EXOC4: variants seen among roughly 807,000 people sequenced by gnomAD.
The protein encoded by EXOC4 is exocyst complex component 4, also known as SEC8-like 1.
In EXOC4, 71 loss-of-function variants were observed where a neutral mutation model predicts 107.2. The observed-to-expected ratio is 0.66, with a 90% confidence interval of 0.55 to 0.81. The LOEUF (loss-of-function observed/expected upper bound fraction) is 0.81. Among genes scored for constraint, EXOC4 ranks in the 30% least tolerant of loss-of-function variants. The pLI is 0.00. For missense variants in EXOC4, 1,108 were observed against 1,189.6 expected, an observed-to-expected ratio of 0.93 and a Z score of 1.01; for synonymous variants, 456 against 441.2, an observed-to-expected ratio of 1.03 and a Z score of -0.42.
At chr7:133,778,461 G>A (rs769679225) in intron 10 of EXOC4, among the ~76,000 whole-genome samples, 1 of 152,174 alleles carries the variant, frequency 6.6e-6, no homozygotes, top group African/African-American at 2.4e-5. Context: ...GCGTGTGCCT[G>A]CAGTCTCAGC....
At chr7:133,581,776 AAAAG>A in intron 9 of EXOC4, among the ~76,000 whole-genome samples, 1 of 151,310 alleles carries the variant, frequency 6.6e-6, no homozygotes, top group Admixed American at 6.6e-5. Flanking sequence ...AAAAAAAAAA[AAAAG>A]AATGACCTGA....
At chr7:134,001,081 A>G (rs1057060577) in intron 15 of EXOC4, among the ~76,000 whole-genome samples, 12 of 152,142 alleles carry the variant, frequency 7.9e-5, no homozygotes, top group African/African-American at 2.9e-4. Flanking sequence ...GCCCCTTTCC[A>G]CAGTTTGAAG....
chr7:133,871,135 C>T (rs1798741500), intron 11 of EXOC4, among the ~76,000 whole-genome samples: 2 of 152,134 alleles, frequency 1.3e-5, no homozygotes, highest in African/African-American at 2.4e-5. Context: ...TCAGGATTAT[C>T]TATGTTCTTC....
At position 133,512,975 on chromosome 7, in the gene EXOC4, C is replaced by T. The variant is rs573438994; in HGVS notation, c.1417+32837C>T. Among the ~76,000 whole-genome samples the T allele has an allele frequency of 1.5e-4, 23 of 152,164 alleles. 1 individual carries two copies. In the East Asian group the frequency reaches 4.5e-3, roughly 30 times the overall value. On this transcript the variant is annotated intron_variant, in intron 9 of 17. Transcript: ENST00000253861. ...CAAAAACTAGCCGGGCCTGGTGGCA[C>T]ACACCTGTAGTTTCAGCTACTTGGG... is the stretch of plus-strand genomic sequence containing the variant.
At chr7:133,293,439 A>G (rs781208920) in intron 3 of EXOC4, among the ~76,000 whole-genome samples, 23 of 152,232 alleles carry the variant, frequency 1.5e-4, no homozygotes, top group African/African-American at 4.8e-4. Context: ...AGACAAAACA[A>G]TCTAGTCCTT....
At chr7:133,907,817 G>A (rs1001470759) in intron 12 of EXOC4, among the ~76,000 whole-genome samples, 11 of 150,840 alleles carry the variant, frequency 7.3e-5, no homozygotes, top group Non-Finnish European at 1.5e-4. Context: ...GAGAGAAGAA[G>A]GAGGAGGAGG....
At chr7:133,864,209 T>C (rs1416642239) in intron 11 of EXOC4, among the ~76,000 whole-genome samples, 1 of 152,228 alleles carries the variant, frequency 6.6e-6, no homozygotes, top group Non-Finnish European at 1.5e-5. Context: ...AAATTGATGT[T>C]AATGAATGTC....
chr7:133,895,612 T>C lies in EXOC4; in HGVS notation c.1748T>C (p.Val583Ala), dbSNP rs749276747. The C allele has an allele frequency of 6.2e-7, 1 of 1,613,996 alleles. No individual in the cohort carries two copies. The highest frequency in any genetic ancestry group is 1.3e-5 in the African/African-American group (1 of 75,052). Residue 583 changes from valine (V) to alanine (A), a missense_variant, in exon 12 of 18, where the codon GTG (valine) becomes GCG (alanine). Transcript: ENST00000253861. Reference sequence around the variant, plus strand: ...GTTCATTTCCAGAGCACAATCATTGTGGAGAAGACAGTTCAAGACCTCCTG... The same window carrying C: ...GTTCATTTCCAGAGCACAATCATTGCGGAGAAGACAGTTCAAGACCTCCTG... ...QRPLLQSTII[V>A]EKTVQDLLNL...
chr7:133,888,326 T>A (rs181493706), intron 11 of EXOC4, among the ~76,000 whole-genome samples: 1 of 152,310 alleles, frequency 6.6e-6, no homozygotes, highest in African/African-American at 2.4e-5. Context: ...CTGTCAAGAC[T>A]GGAAAAGTAT....
At chr7:133,698,970 T>TG in intron 10 of EXOC4, among the ~76,000 whole-genome samples, 1 of 142 alleles carries the variant, frequency 7.0e-3, no homozygotes. Context: ...CTTGTAAAAC[T>TG]GCACTACCTT....
chr7:133,715,723 T>A (rs2151101025), intron 10 of EXOC4, among the ~76,000 whole-genome samples: 1 of 152,266 alleles, frequency 6.6e-6, no homozygotes, highest in African/African-American at 2.4e-5. Context: ...CAGCAGACAT[T>A]GTTCGTTGTT....
At chr7:133,696,667 T>A (rs1329935640) in intron 10 of EXOC4, among the ~76,000 whole-genome samples, 2 of 152,354 alleles carry the variant, frequency 1.3e-5, no homozygotes, top group Middle Eastern at 6.8e-3. Flanking sequence ...TTGTTGATAT[T>A]GACAAGAGAA....
At chr7:133,964,504 G>A (rs537354252) in intron 14 of EXOC4, among the ~76,000 whole-genome samples, 1 of 152,042 alleles carries the variant, frequency 6.6e-6, no homozygotes, top group African/African-American at 2.4e-5. Flanking sequence ...ACAGGCCCCA[G>A]TGTGTGATGA....
At position 133,325,427 on chromosome 7, in the gene EXOC4, A is replaced by G. The variant is rs191385452; in HGVS notation, c.763+8037A>G. Among the ~76,000 whole-genome samples the G allele has an allele frequency of 1.1e-4, 17 of 152,236 alleles. No individual in the cohort carries two copies. In the East Asian group the frequency reaches 2.9e-3, roughly 26 times the overall value. Reference sequence around the variant, plus strand: ...CCTGGTGGTGACAGAATCTCTCAGCATTTGCTTGTCTGTAAAGGATTTTAT... The same window carrying G: ...CCTGGTGGTGACAGAATCTCTCAGCGTTTGCTTGTCTGTAAAGGATTTTAT... On this transcript the variant is annotated intron_variant, in intron 5 of 17. Transcript: ENST00000253861.
intron 9 of EXOC4, among the ~76,000 whole-genome samples, chr7:133,561,950 T>G (rs1800812372): frequency 6.6e-6 from 1 of 152,238 alleles, no homozygotes; most frequent in African/African-American, 2.4e-5. Context: ...TTATCTCAAA[T>G]GTATGCATAG....
At chr7:133,542,452 C>G (rs1472666859) in intron 9 of EXOC4, among the ~76,000 whole-genome samples, 2 of 151,982 alleles carry the variant, frequency 1.3e-5, no homozygotes, top group South Asian at 2.1e-4. Flanking sequence ...GTTTTATGAC[C>G]TATAGTGAAA....
At chr7:133,502,880 A>T (rs1203710699) in intron 9 of EXOC4, among the ~76,000 whole-genome samples, 1 of 151,848 alleles carries the variant, frequency 6.6e-6, no homozygotes, top group African/African-American at 2.4e-5. Flanking sequence ...CCAAGTTAAA[A>T]CTCATATGCA....
intron 5 of EXOC4, among the ~76,000 whole-genome samples, chr7:133,324,663 G>A (rs555253840): frequency 3.3e-5 from 5 of 152,312 alleles, no homozygotes; most frequent in South Asian, 4.2e-4. Context: ...GTGTGATGTG[G>A]TGCTGAGAAG....
chr7:133,775,671 A>G (rs1183980670), intron 10 of EXOC4, among the ~76,000 whole-genome samples: 1 of 152,192 alleles, frequency 6.6e-6, no homozygotes, highest in Non-Finnish European at 1.5e-5. Context: ...CAAAATGTCT[A>G]AGAAAATGTA....
Sources: gnomAD v4.1 joint callset for allele counts (sites outside exome capture counted in the v4.1 genomes callset) on GRCh38, gnomAD v4.1.1 for gene constraint, MANE v1.5 for transcripts, NCBI Gene and HGNC (gene_info 2026-07-23, HGNC 2026-07-21) for gene names.